The following CR1 variants were observed in gnomAD, a reference collection of about 807,000 sequenced individuals.
CR1 encodes the protein complement C3b/C4b receptor 1 (Knops blood group), also known as complement receptor type 1.
In CR1, 116 loss-of-function variants were observed where a neutral mutation model predicts 187.3. The ratio of observed to expected loss-of-function variants is 0.62; its 90% CI spans 0.53 to 0.72. The LOEUF (loss-of-function observed/expected upper bound fraction) is 0.72. CR1 is among the 30% of genes least tolerant of loss of function. The pLI, the probability that CR1 is intolerant of heterozygous loss-of-function variation, is 0.00. For synonymous variants in CR1, 576 were observed against 747.1 expected (o/e 0.77, Z 3.73); for missense variants, 1,731 against 2,110.7 (o/e 0.82, Z 3.52).
intron 32 of CR1, among the ~76,000 whole-genome samples, chr1:207,583,246 CTG>C (rs138758488): frequency 6.6e-6 from 1 of 152,296 alleles, no homozygotes; most frequent in East Asian, 1.9e-4. Flanking sequence ...GACTAATCAA[CTG>C]TGTCAAATTC....
intron 36 of CR1, among the ~76,000 whole-genome samples, chr1:207,608,004 A>G (rs577478644): frequency 6.6e-6 from 1 of 152,312 alleles, no homozygotes; most frequent in South Asian, 2.1e-4. Context: ...GCTAATGACC[A>G]ATATAAACAA....
intron 4 of CR1, among the ~76,000 whole-genome samples, chr1:207,517,882 T>C (rs1659852194): frequency 6.6e-6 from 1 of 152,128 alleles, no homozygotes; most frequent in Non-Finnish European, 1.5e-5. Context: ...TTCTTTTGCT[T>C]CTTTTTCCTT....
At chr1:207,638,073 A>G (rs1662871209) in intron 46 of CR1, among the ~76,000 whole-genome samples, 1 of 152,260 alleles carries the variant, frequency 6.6e-6, no homozygotes, top group Admixed American at 6.5e-5. Flanking sequence ...AGAGTGCTAG[A>G]TTAAGTTGCA....
At chr1:207,605,811 T>C (rs1661732568) in intron 35 of CR1, 1 of 152,214 alleles carries the variant, frequency 6.6e-6, no homozygotes, top group Non-Finnish European at 1.5e-5. Context: ...GAAAAGATTG[T>C]ATACCATAGC....
chr1:207,614,294 T>C, intron 39 of CR1, 110 bp from the exon 40 acceptor site: 1 of 818,232 alleles, frequency 1.2e-6, no homozygotes, highest in Middle Eastern at 2.3e-4. Flanking sequence ...AAGACCTAAA[T>C]GATAGTCGAG....
At chr1:207,617,638 G>C (rs867119620) in intron 41 of CR1, among the ~76,000 whole-genome samples, 2 of 89,422 alleles carry the variant, frequency 2.2e-5, no homozygotes, top group African/African-American at 3.5e-5. Context: ...GAGAGAGAGA[G>C]AGAGAGAGAG....
chr1:207,574,551 A>T (rs1308880981), intron 27 of CR1, among the ~76,000 whole-genome samples: 2 of 152,286 alleles, frequency 1.3e-5, no homozygotes. Context: ...GGATATTGGT[A>T]AAAAGAAAAA....
intron 36 of CR1, 70 bp downstream of exon 36, chr1:207,607,406 A>G: frequency 8.7e-7 from 1 of 1,151,710 alleles, no homozygotes; most frequent in Non-Finnish European, 1.3e-6. Flanking sequence ...TACAAAGAAT[A>G]AATTGAATCC....
intron 1 of CR1, 28 bp from the exon 2 acceptor site, chr1:207,505,876 T>C: frequency 6.3e-7 from 1 of 1,580,680 alleles, no homozygotes; most frequent in Non-Finnish European, 8.6e-7. Flanking sequence ...TCCATTAACT[T>C]TGATGCTTCT....
chr1:207,611,914 C>T (rs1486486695), intron 38 of CR1, 25 bp from the exon 39 acceptor site: 2 of 1,613,972 alleles, frequency 1.2e-6, no homozygotes, highest in South Asian at 2.2e-5. Context: ...AGGACTTACT[C>T]CTGTTGTTTT....
intron 4 of CR1, among the ~76,000 whole-genome samples, chr1:207,520,048 C>T (rs116092481): frequency 0.021 from 3,246 of 152,326 alleles, 62 homozygotes; most frequent in Non-Finnish European, 0.028. Flanking sequence ...ATTTCAAAGA[C>T]ACTGTTGTCT....
At position 207,609,631 on chromosome 1, in the gene CR1, A is replaced by G. The variant is rs776145460; in HGVS notation, c.6238A>G (p.Thr2080Ala). 1.2e-5 allele frequency: 19 copies of G among 1,609,236 alleles called. No homozygotes were observed. The South Asian group carries it at 1.7e-4, about 14-fold the overall frequency. Residue 2080 changes from threonine (T) to alanine (A), a missense_variant, in exon 37 of 47, where the codon ACT (threonine) becomes GCT (alanine). Thr to Ala is a moderately conservative substitution (Grantham distance 58). Around this residue, in one of 5 missense-constraint regions of CR1, gnomAD observed 1,312 missense variants for 1,379.6 expected, o/e 0.95. Transcript: ENST00000367049. ...QPGFVMVGSHTVQCQTNGRWG... is the reference protein window; with the variant it reads ...QPGFVMVGSHAVQCQTNGRWG... ...CGGGTTTGTCATGGTAGGGTCCCAC[A>G]CTGTGCAGTGCCAGACCAATGGCAG...
At chr1:207,567,803 G>A in intron 24 of CR1, 21 bp from the exon 25 acceptor site, 4 of 1,611,026 alleles carry the variant, frequency 2.5e-6, no homozygotes, top group South Asian at 1.1e-5. Context: ...ATGAAACTTA[G>A]AGCTTTTGTA....
intron 43 of CR1, among the ~76,000 whole-genome samples, chr1:207,620,579 T>G (rs1270725725): frequency 6.6e-6 from 1 of 152,220 alleles, no homozygotes; most frequent in Admixed American, 6.5e-5. Context: ...AAGTTAATAA[T>G]GAACAGCCTT....
At chr1:207,617,933 A>G (rs1662197668) in intron 41 of CR1, 138 bp from the exon 42 acceptor site, 2 of 801,186 alleles carry the variant, frequency 2.5e-6, no homozygotes, top group Non-Finnish European at 3.9e-6. Context: ...ATCAAATAGG[A>G]GGGAGTGGCT....
chr1:207,628,850 A>AC (rs1403812359), intron 45 of CR1, among the ~76,000 whole-genome samples: 1 of 152,132 alleles, frequency 6.6e-6, no homozygotes, highest in Non-Finnish European at 1.5e-5. Context: ...TGCAATCTCT[A>AC]CTTTTTTTAC....
At chr1:207,526,440 G>C (rs1307676625) in intron 5 of CR1, among the ~76,000 whole-genome samples, 3 of 150,470 alleles carry the variant, frequency 2.0e-5, no homozygotes, top group African/African-American at 7.5e-5. Flanking sequence ...TCCCAATTTT[G>C]TACTGGGTGA....
Position 207,581,901 on chromosome 1 carries a change from A to G in CR1, c.5217-17A>G. On this transcript the variant is annotated splice_polypyrimidine_tract_variant and intron_variant, in intron 31 of 46. Coordinates refer to ENST00000367049, the MANE Select transcript of CR1 (RefSeq NM_000651.6). The stretch of plus-strand genomic sequence containing the variant: ...GAAATGGTGCATTCATCCAGCCACT[A>G]CTGCTTTGTTCTTTAGGTTTCGCTT... 5.0e-6 allele frequency: 8 copies of G among 1,589,072 alleles called. No homozygotes were observed. Among genetic ancestry groups the G allele is most frequent in the Non-Finnish European group, 6.9e-6 (8 of 1,157,920 alleles).
chr1:207,611,090 C>G (rs548733947), intron 37 of CR1, among the ~76,000 whole-genome samples: 6 of 152,058 alleles, frequency 3.9e-5, no homozygotes, highest in Non-Finnish European at 8.8e-5. Context: ...ACCCTCACCC[C>G]CTATCCCCAC....
Sources: gnomAD v4.1 joint callset for allele counts (sites outside exome capture counted in the v4.1 genomes callset) on GRCh38, gnomAD v4.1.1 for gene constraint, gnomAD v4.1.1 regional missense constraint, MANE v1.5 for transcripts, NCBI Gene and HGNC (gene_info 2026-07-23, HGNC 2026-07-21) for gene names.